MARCHF3: variants seen among roughly 807,000 people sequenced by gnomAD.
The protein encoded by MARCHF3 is membrane associated ring-CH-type finger 3.
MARCHF3 carries 13 observed loss-of-function variants against 24.2 expected under a neutral mutation model. The ratio of observed to expected loss-of-function variants is 0.54; its 90% CI spans 0.35 to 0.85. The LOEUF (loss-of-function observed/expected upper bound fraction) is 0.85. MARCHF3 is among the 40% of genes least tolerant of loss of function. MARCHF3 has a pLI of 0.01. For synonymous variants in MARCHF3, 144 were observed against 137.3 expected, an observed-to-expected ratio of 1.05 and a Z score of -0.34; for missense variants, 276 against 325.0, an observed-to-expected ratio of 0.85 and a Z score of 1.16.
chr5:126,898,954 C>CT lies in MARCHF3; in HGVS notation c.393+15975dup, dbSNP rs138831451. ...ATAAGTGGCACATCTAAGAATTAAACTTTTTTTTTTAGTATCCAAACTAAA... is the reference window on the plus strand; with the variant it reads ...ATAAGTGGCACATCTAAGAATTAAACTTTTTTTTTTTAGTATCCAAACTAAA... On this transcript the variant is annotated intron_variant, in intron 3 of 4. Transcript: ENST00000308660. 3.8e-3 allele frequency: 3,361 copies of CT among 881,122 alleles called. 77 individuals carry two copies. In the African/African-American group the frequency reaches 0.051, roughly 13 times the overall value. 54.6% of individuals were successfully genotyped at this position (881,122 alleles called of 1,614,324 possible).
At chr5:126,931,213 A>G (rs114357564) in intron 1 of MARCHF3, among the ~76,000 whole-genome samples, 228 of 152,292 alleles carry the variant, frequency 1.5e-3, no homozygotes, top group Non-Finnish European at 2.5e-3. Flanking sequence ...GCTGGCCAGG[A>G]TGAAAGTGGT....
At chr5:126,903,111 C>T (rs941585383) in intron 3 of MARCHF3, among the ~76,000 whole-genome samples, 2 of 151,978 alleles carry the variant, frequency 1.3e-5, no homozygotes, top group African/African-American at 2.4e-5. Context: ...TCAGTAGGTT[C>T]GGTCTATAAT....
chr5:126,881,379 T>C (rs190859922), intron 3 of MARCHF3, among the ~76,000 whole-genome samples: 4 of 152,234 alleles, frequency 2.6e-5, no homozygotes, highest in East Asian at 1.9e-4. Context: ...TCCATCCTCA[T>C]TGAGGAAAAG....
chr5:126,988,405 C>A (rs1006139805), intron 1 of MARCHF3, among the ~76,000 whole-genome samples: 1 of 152,140 alleles, frequency 6.6e-6, no homozygotes, highest in Admixed American at 6.6e-5. Flanking sequence ...CCAAAGTTCA[C>A]CACTCATATC....
intron 1 of MARCHF3, among the ~76,000 whole-genome samples, chr5:127,009,972 G>A (rs142543206): frequency 4.6e-5 from 7 of 152,294 alleles, no homozygotes; most frequent in Admixed American, 2.0e-4. Context: ...GAATTATATT[G>A]TGTTAACATT....
intron 1 of MARCHF3, among the ~76,000 whole-genome samples, chr5:126,950,622 C>T (rs1750198564): frequency 6.6e-6 from 1 of 152,206 alleles, no homozygotes; most frequent in Admixed American, 6.5e-5. Context: ...CTTCCCTCTA[C>T]ACACTTATCC....
chr5:126,917,725 C>T (rs1748932056), intron 2 of MARCHF3, among the ~76,000 whole-genome samples: 1 of 152,164 alleles, frequency 6.6e-6, no homozygotes, highest in African/African-American at 2.4e-5. Context: ...AACCCCGTAT[C>T]TTGTGGGTTC....
chr5:126,936,088 G>A (rs1164081382), intron 1 of MARCHF3, among the ~76,000 whole-genome samples: 1 of 152,174 alleles, frequency 6.6e-6, no homozygotes, highest in Non-Finnish European at 1.5e-5. Flanking sequence ...GTTTGCTGGG[G>A]TGTGCTGGGC....
chr5:126,962,976 T>A (rs1010730214), intron 1 of MARCHF3, among the ~76,000 whole-genome samples: 10 of 152,146 alleles, frequency 6.6e-5, no homozygotes, highest in African/African-American at 2.4e-4. Context: ...GTTTTCTTTC[T>A]GCCTGTGTAA....
At chr5:126,912,478 TAAAC>T (rs781301187) in intron 3 of MARCHF3, among the ~76,000 whole-genome samples, 35 of 152,264 alleles carry the variant, frequency 2.3e-4, no homozygotes, top group Middle Eastern at 3.4e-3. Context: ...ATCCAACTGG[TAAAC>T]AAAGTAATGA....
chr5:126,983,033 G>T (rs1253751132), intron 1 of MARCHF3, among the ~76,000 whole-genome samples: 4 of 152,174 alleles, frequency 2.6e-5, no homozygotes, highest in Non-Finnish European at 4.4e-5. Context: ...TTAAAAGATA[G>T]GAGAAGCAGT....
At chr5:127,024,232 A>G (rs1003478254) in intron 1 of MARCHF3, among the ~76,000 whole-genome samples, 1 of 152,220 alleles carries the variant, frequency 6.6e-6, no homozygotes, top group East Asian at 1.9e-4. Flanking sequence ...ATCACTGCTA[A>G]AGTTGACAGT....
intron 1 of MARCHF3, among the ~76,000 whole-genome samples, chr5:126,971,815 T>G (rs555372787): frequency 2.6e-4 from 40 of 152,368 alleles, no homozygotes; most frequent in African/African-American, 9.4e-4. Context: ...CCTCTCCCCC[T>G]TTTCTAAATT....
chr5:126,944,556 T>C (rs976437678), intron 1 of MARCHF3, among the ~76,000 whole-genome samples: 9 of 152,226 alleles, frequency 5.9e-5, no homozygotes, highest in Non-Finnish European at 1.2e-4. Context: ...CATTCCAGCC[T>C]GGGCAAAAGA....
chr5:126,931,248 T>C (rs1561433803), intron 1 of MARCHF3, among the ~76,000 whole-genome samples: 1 of 152,180 alleles, frequency 6.6e-6, no homozygotes, highest in Non-Finnish European at 1.5e-5. Flanking sequence ...TTGTTGTTTT[T>C]TGGTTTTTGG....
rs554579632 is a variant in MARCHF3 at position 126,990,369 on chromosome 5, C to T, written c.-57+39981G>A. 3.9e-5 allele frequency among the ~76,000 whole-genome samples: 6 copies of T among 152,166 alleles called. No individual in the cohort carries two copies. The South Asian group carries it at 6.2e-4, about 16-fold the overall frequency. On this transcript the variant is annotated intron_variant, in intron 1 of 4. Transcript: ENST00000308660. Reference sequence around the variant, plus strand: ...ATGTAGAAAGCTGAAACTGGATCCCCTCCTTATGCCTTGTACAAAAAATAA... The same window carrying T: ...ATGTAGAAAGCTGAAACTGGATCCCTTCCTTATGCCTTGTACAAAAAATAA...
At chr5:126,987,076 C>A (rs978855565) in intron 1 of MARCHF3, among the ~76,000 whole-genome samples, 1 of 152,208 alleles carries the variant, frequency 6.6e-6, no homozygotes, top group African/African-American at 2.4e-5. Context: ...TTAAGTCAAT[C>A]AGATTACCCT....
At chr5:126,885,670 A>G (rs1176082872) in intron 3 of MARCHF3, among the ~76,000 whole-genome samples, 1 of 152,226 alleles carries the variant, frequency 6.6e-6, no homozygotes, top group Non-Finnish European at 1.5e-5. Context: ...ATGATCTTAC[A>G]GTATTAGTTA....
chr5:127,024,234 G>T (rs1034647077), intron 1 of MARCHF3, among the ~76,000 whole-genome samples: 5 of 152,224 alleles, frequency 3.3e-5, no homozygotes, highest in Admixed American at 2.6e-4. Context: ...CACTGCTAAA[G>T]TTGACAGTTG....
Sources: gnomAD v4.1 joint callset for allele counts (sites outside exome capture counted in the v4.1 genomes callset) on GRCh38, gnomAD v4.1.1 for gene constraint, MANE v1.5 for transcripts, NCBI Gene and HGNC (gene_info 2026-07-23, HGNC 2026-07-21) for gene names.